The following GAB2 variants were observed in gnomAD, a reference collection of about 807,000 sequenced individuals.
The protein encoded by GAB2 is GRB2-associated-binding protein 2.
Under a neutral mutation model 65.5 loss-of-function variants are expected in GAB2, and 26 were observed. That is an observed-to-expected ratio of 0.40 (90% CI 0.29 to 0.55). GAB2 has a LOEUF of 0.55. GAB2 is among the 20% of genes least tolerant of loss of function. The pLI, the probability that GAB2 is intolerant of heterozygous loss-of-function variation, is 0.53. For synonymous variants in GAB2, 321 were observed against 329.6 expected (o/e 0.97, Z 0.28); for missense variants, 884 against 875.8 (o/e 1.01, Z -0.12).
At chr11:78,402,698 G>A (rs185029721) in intron 1 of GAB2, among the ~76,000 whole-genome samples, 9 of 152,074 alleles carry the variant, frequency 5.9e-5, no homozygotes, top group East Asian at 1.9e-4. Flanking sequence ...TGACCTGCCC[G>A]CCTCGGCCAC....
chr11:78,250,060 T>G, intron 3 of GAB2, 97 bp downstream of exon 3: 3 of 1,251,380 alleles, frequency 2.4e-6, no homozygotes, highest in Non-Finnish European at 3.4e-6. Context: ...CCTGAAACGA[T>G]ATAATGTTTT....
intron 1 of GAB2, among the ~76,000 whole-genome samples, chr11:78,307,541 T>C (rs1010913030): frequency 6.7e-5 from 10 of 149,784 alleles, no homozygotes; most frequent in Non-Finnish European, 1.5e-4. Context: ...GAGGATCTCT[T>C]GAGCCCAGGA....
chr11:78,222,105 T>G lies in GAB2; in HGVS notation c.1658A>C (p.Asn553Thr). 1.9e-6 allele frequency: 3 copies of G among 1,602,928 alleles called. No homozygotes were observed. The highest frequency in any genetic ancestry group is 2.6e-6 in the Non-Finnish European group (3 of 1,169,816). Residue 553 changes from asparagine (N) to threonine (T), a missense_variant and splice_region_variant, in exon 7 of 10, where the codon AAC becomes ACC. Transcript: ENST00000361507. ...SPITKSWSRA[N>T]HTFNSSSSQY... ...CCCACCCCCACACATACGCACTTAC[T>G]TGGCCCTAGACCAAGACTTGGTGAT...
intron 1 of GAB2, among the ~76,000 whole-genome samples, chr11:78,382,529 A>C (rs1216263933): frequency 6.6e-6 from 1 of 151,982 alleles, no homozygotes; most frequent in Non-Finnish European, 1.5e-5. Context: ...TTTTTTTCCT[A>C]GTGTAAATAA....
intron 1 of GAB2, among the ~76,000 whole-genome samples, chr11:78,352,077 G>A (rs1189687837): frequency 1.3e-5 from 2 of 152,142 alleles, no homozygotes; most frequent in African/African-American, 4.8e-5. Flanking sequence ...GCCAAGTGTG[G>A]TGGTGGGCAC....
chr11:78,335,875 C>G (rs1455100567), intron 1 of GAB2, among the ~76,000 whole-genome samples: 1 of 152,054 alleles, frequency 6.6e-6, no homozygotes, highest in African/African-American at 2.4e-5. Flanking sequence ...CATGGAATAT[C>G]TTTCCATTTT....
At chr11:78,371,136 C>T (rs1219384411) in intron 1 of GAB2, among the ~76,000 whole-genome samples, 1 of 152,208 alleles carries the variant, frequency 6.6e-6, no homozygotes, top group African/African-American at 2.4e-5. Context: ...GCCTGAGGTG[C>T]AGACAGAACC....
chr11:78,391,281 A>C (rs1044170117), intron 1 of GAB2, among the ~76,000 whole-genome samples: 9 of 151,996 alleles, frequency 5.9e-5, no homozygotes, highest in Non-Finnish European at 1.2e-4. Context: ...GGTGACAGAG[A>C]CCCTGTCTCT....
intron 1 of GAB2, among the ~76,000 whole-genome samples, chr11:78,324,320 T>A (rs2134667574): frequency 6.6e-6 from 1 of 152,318 alleles, no homozygotes; most frequent in East Asian, 1.9e-4. Context: ...TATTAGCACT[T>A]ATTTACTTAT....
At chr11:78,268,087 G>A (rs1865914464) in intron 2 of GAB2, among the ~76,000 whole-genome samples, 1 of 152,122 alleles carries the variant, frequency 6.6e-6, no homozygotes, top group Non-Finnish European at 1.5e-5. Context: ...TGGGGAGAAG[G>A]AAGGGTGGGC....
chr11:78,276,925 C>G (rs1866189167), intron 2 of GAB2, among the ~76,000 whole-genome samples: 1 of 152,232 alleles, frequency 6.6e-6, no homozygotes, highest in Non-Finnish European at 1.5e-5. Context: ...TCACGCCATT[C>G]TCCTGCCTCA....
chr11:78,260,430 GA>G (rs1411384513), intron 2 of GAB2, among the ~76,000 whole-genome samples: 1 of 152,138 alleles, frequency 6.6e-6, no homozygotes, highest in African/African-American at 2.4e-5. Context: ...TTCAGAGATG[GA>G]AATGCCTTGT....
chr11:78,306,963 T>C (rs1855375269), intron 1 of GAB2, among the ~76,000 whole-genome samples: 1 of 152,230 alleles, frequency 6.6e-6, no homozygotes, highest in African/African-American at 2.4e-5. Context: ...ATCTTCTAAT[T>C]GTTTTGAACA....
chr11:78,236,904 A>G (rs1481472048), intron 3 of GAB2, among the ~76,000 whole-genome samples: 2 of 152,216 alleles, frequency 1.3e-5, no homozygotes, highest in Non-Finnish European at 2.9e-5. Flanking sequence ...ACAGACACAT[A>G]TAGATATACA....
chr11:78,388,412 A>C (rs1044687170), intron 1 of GAB2, among the ~76,000 whole-genome samples: 7 of 151,348 alleles, frequency 4.6e-5, no homozygotes, highest in African/African-American at 1.7e-4. Context: ...CTGCAGCCTC[A>C]ACTTCCTGGG....
intron 3 of GAB2, among the ~76,000 whole-genome samples, chr11:78,229,844 T>G (rs1421120989): frequency 6.6e-6 from 1 of 152,206 alleles, no homozygotes; most frequent in Non-Finnish European, 1.5e-5. Context: ...TCTGGAAGGC[T>G]TCTTACCTCA....
chr11:78,401,456 T>A (rs752729652), intron 1 of GAB2, among the ~76,000 whole-genome samples: 2 of 151,684 alleles, frequency 1.3e-5, no homozygotes, highest in African/African-American at 2.4e-5. Context: ...CTATGTTGTA[T>A]CATGTCCATG....
intron 3 of GAB2, among the ~76,000 whole-genome samples, chr11:78,245,040 T>C (rs1865258311): frequency 6.6e-6 from 1 of 152,160 alleles, no homozygotes; most frequent in Non-Finnish European, 1.5e-5. Flanking sequence ...TCAACCTAAG[T>C]GGTCATCAAC....
At chr11:78,345,038 G>C (rs2134696121) in intron 1 of GAB2, among the ~76,000 whole-genome samples, 2 of 152,330 alleles carry the variant, frequency 1.3e-5, no homozygotes, top group South Asian at 4.1e-4. Flanking sequence ...GCACAGGAGG[G>C]AGGGAGGGAG....
Sources: allele counts gnomAD v4.1 joint callset (sites outside exome capture counted in the v4.1 genomes callset), GRCh38; gene constraint gnomAD v4.1.1; transcripts MANE v1.5; gene names NCBI Gene and HGNC (gene_info 2026-07-23, HGNC 2026-07-21).